The following TFDP2 variants were observed in gnomAD, a reference collection of about 807,000 sequenced individuals.
The protein encoded by TFDP2 is transcription factor Dp-2 (E2F dimerization partner 2).
Under a neutral mutation model 59.3 loss-of-function variants are expected in TFDP2, and 17 were observed. The ratio of observed to expected loss-of-function variants is 0.29; its 90% CI spans 0.20 to 0.43. The LOEUF is 0.43. Among genes scored for constraint, TFDP2 ranks in the 20% least tolerant of loss-of-function variants. The pLI, the probability that TFDP2 is intolerant of heterozygous loss-of-function variation, is 1.00. For missense variants in TFDP2, 391 were observed against 528.8 expected (o/e 0.74, Z 2.56); for synonymous variants, 180 against 194.7 (o/e 0.92, Z 0.63).
intron 3 of TFDP2, among the ~76,000 whole-genome samples, chr3:142,091,290 C>T (rs149633673): frequency 6.6e-6 from 1 of 152,262 alleles, no homozygotes; most frequent in East Asian, 1.9e-4. Flanking sequence ...CCTCATAATA[C>T]ATACCTTAAC....
intron 3 of TFDP2, among the ~76,000 whole-genome samples, chr3:142,086,367 T>A (rs1025742131): frequency 6.6e-6 from 1 of 152,164 alleles, no homozygotes; most frequent in African/African-American, 2.4e-5. Flanking sequence ...CCACTTCACA[T>A]GCCAGTTGCA....
chr3:141,995,033 C>T lies in TFDP2; in HGVS notation c.295G>A (p.Gly99Ser). The change falls in exon 5 of 13, where the codon GGC (glycine) becomes AGC (serine). Residue 99 changes from glycine (G) to serine (S), a missense_variant. Gly to Ser is a moderately conservative substitution (Grantham distance 56). This residue lies in a region of TFDP2 where 162 missense variants were observed against 206.8 expected (regional missense o/e 0.78). Coordinates refer to ENST00000489671, the MANE Select transcript of TFDP2 (RefSeq NM_001178139.2). Reference protein sequence around the residue: ...VTQTHIAEATGWVPGDRKRAR... With the variant: ...VTQTHIAEATSWVPGDRKRAR... ...CAACACTCTTACCCAGGGACCCAGCCAGTAGCTTCTGCTATGTGTGTCTGA... is the reference window on the plus strand; with the variant it reads ...CAACACTCTTACCCAGGGACCCAGCTAGTAGCTTCTGCTATGTGTGTCTGA... 2 of 1,594,890 alleles carry T rather than the reference C, an allele frequency of 1.3e-6. No individual in the cohort carries two copies. Among genetic ancestry groups the T allele is most frequent in the Non-Finnish European group, 1.7e-6 (2 of 1,170,602 alleles).
chr3:142,111,427 CAA>C (rs80110477), intron 1 of TFDP2, among the ~76,000 whole-genome samples: 2 of 60,176 alleles, frequency 3.3e-5, no homozygotes, highest in African/African-American at 6.0e-5. Context: ...GACTCTGTCT[CAA>C]AAAAAAAAAA....
intron 3 of TFDP2, among the ~76,000 whole-genome samples, chr3:142,088,347 T>G (rs1480824027): frequency 6.6e-6 from 1 of 152,028 alleles, no homozygotes; most frequent in Non-Finnish European, 1.5e-5. Context: ...TCTTTTTTTT[T>G]TGAGACAGAG....
chr3:142,013,631 T>C (rs1204908885), intron 3 of TFDP2, among the ~76,000 whole-genome samples: 1 of 152,186 alleles, frequency 6.6e-6, no homozygotes, highest in East Asian at 1.9e-4. Flanking sequence ...ATCAATCACC[T>C]AGAGAAGTGG....
chr3:142,012,610 G>C (rs774985740), intron 3 of TFDP2, among the ~76,000 whole-genome samples: 1 of 152,024 alleles, frequency 6.6e-6, no homozygotes, highest in Non-Finnish European at 1.5e-5. Context: ...ATACAAGCAC[G>C]TATTGCCATG....
chr3:141,985,917 G>C (rs1375831547), intron 6 of TFDP2, among the ~76,000 whole-genome samples: 2 of 152,146 alleles, frequency 1.3e-5, no homozygotes, highest in African/African-American at 2.4e-5. Context: ...AAAATGCTTT[G>C]AGTTAATTTT....
intron 4 of TFDP2, among the ~76,000 whole-genome samples, chr3:142,000,987 A>G (rs1943712111): frequency 6.6e-6 from 1 of 152,076 alleles, no homozygotes; most frequent in Non-Finnish European, 1.5e-5. Context: ...TTAGAGTTTG[A>G]GTCTTCTGCA....
intron 3 of TFDP2, among the ~76,000 whole-genome samples, chr3:142,087,474 C>A (rs897009622): frequency 6.6e-6 from 1 of 151,686 alleles, no homozygotes; most frequent in African/African-American, 2.4e-5. Flanking sequence ...CACATGACTG[C>A]ATTTCTTATT....
intron 3 of TFDP2, among the ~76,000 whole-genome samples, chr3:142,054,998 T>C (rs1474028009): frequency 6.6e-6 from 1 of 152,204 alleles, no homozygotes. Context: ...CCTCATGAGC[T>C]TTCTGATCCA....
chr3:141,958,689 T>C (rs1230022488), intron 11 of TFDP2, among the ~76,000 whole-genome samples: 1 of 152,116 alleles, frequency 6.6e-6, no homozygotes, highest in African/African-American at 2.4e-5. Context: ...ATCTACTCAG[T>C]ATTTAATAAG....
chr3:142,038,430 G>A (rs1216863213), intron 3 of TFDP2, among the ~76,000 whole-genome samples: 6 of 142,410 alleles, frequency 4.2e-5, no homozygotes, highest in African/African-American at 1.3e-4. Flanking sequence ...AAATACTGTA[G>A]ATGAGAAGAA....
At chr3:142,008,328 C>T (rs1944380173) in intron 3 of TFDP2, among the ~76,000 whole-genome samples, 2 of 151,988 alleles carry the variant, frequency 1.3e-5, no homozygotes, top group South Asian at 4.2e-4. Flanking sequence ...CAAAACTGTT[C>T]TGAACACTCC....
At chr3:142,109,868 T>G (rs1054065471) in intron 1 of TFDP2, among the ~76,000 whole-genome samples, 3 of 152,158 alleles carry the variant, frequency 2.0e-5, no homozygotes, top group African/African-American at 7.2e-5. Flanking sequence ...AGAGACTTAT[T>G]TTTATGTTCA....
At position 141,974,042 on chromosome 3, in the gene TFDP2, A is replaced by G. The variant is rs1379137083; in HGVS notation, c.663+6T>C. ...CAGCTATTCATAAACAGATTTTCTC[A>G]CTTACCTCCAGATTCTGACATTCCT... is the stretch of plus-strand genomic sequence containing the variant. On this transcript the variant is annotated splice_donor_region_variant and intron_variant, in intron 8 of 12. Transcript: ENST00000489671. The G allele has an allele frequency of 6.2e-7, 1 of 1,607,166 alleles. No individual in the cohort carries two copies. Among genetic ancestry groups the G allele is most frequent in the Non-Finnish European group, 8.5e-7 (1 of 1,178,182 alleles).
intron 3 of TFDP2, among the ~76,000 whole-genome samples, chr3:142,071,687 TCA>T (rs1209325710): frequency 1.3e-5 from 2 of 152,052 alleles, no homozygotes; most frequent in Non-Finnish European, 2.9e-5. Context: ...TGAGGAAGGC[TCA>T]GAGAGTTAGG....
At chr3:142,091,948 C>T (rs2108616414) in intron 3 of TFDP2, among the ~76,000 whole-genome samples, 1 of 152,210 alleles carries the variant, frequency 6.6e-6, no homozygotes, top group South Asian at 2.1e-4. Context: ...GAGTACGTCT[C>T]CCACCTTAGA....
At chr3:142,097,411 C>T (rs1286811032) in intron 2 of TFDP2, among the ~76,000 whole-genome samples, 9 of 152,266 alleles carry the variant, frequency 5.9e-5, no homozygotes, top group African/African-American at 2.2e-4. Flanking sequence ...GCCACTTAGG[C>T]CAGGCACCAT....
chr3:141,968,653 T>C (rs1415089231), intron 9 of TFDP2, among the ~76,000 whole-genome samples: 2 of 113,308 alleles, frequency 1.8e-5, no homozygotes, highest in East Asian at 4.9e-4. Flanking sequence ...ATCTCATATA[T>C]AGATATATAT....
Sources: gnomAD v4.1 joint callset for allele counts (sites outside exome capture counted in the v4.1 genomes callset) on GRCh38, gnomAD v4.1.1 for gene constraint, gnomAD v4.1.1 regional missense constraint, MANE v1.5 for transcripts, NCBI Gene and HGNC (gene_info 2026-07-23, HGNC 2026-07-21) for gene names.